Variants in CPLX2 observed in about 807,000 individuals in gnomAD.
CPLX2 encodes complexin 2, also known as complexin-2.
Under a neutral mutation model 16.3 loss-of-function variants are expected in CPLX2, and 5 were observed. The ratio of observed to expected loss-of-function variants is 0.31; its 90% CI spans 0.16 to 0.64. The LOEUF (loss-of-function observed/expected upper bound fraction) is 0.64, where lower values mean the gene tolerates loss of function less well. Among genes scored for constraint, CPLX2 ranks in the 30% least tolerant of loss-of-function variants. CPLX2 has a pLI of 0.79. For missense variants in CPLX2, 144 were observed against 181.4 expected (o/e 0.79, Z 1.18); for synonymous variants, 89 against 73.2 (o/e 1.22, Z -1.10).
At chr5:175,873,702 C>T (rs990160040) in intron 1 of CPLX2, among the ~76,000 whole-genome samples, 4 of 152,120 alleles carry the variant, frequency 2.6e-5, no homozygotes, top group African/African-American at 9.7e-5. Flanking sequence ...ATGATGACTG[C>T]GATGATGTTA....
chr5:175,869,060 CTT>C (rs1259855135), upstream of CPLX2, among the ~76,000 whole-genome samples: 4 of 152,206 alleles, frequency 2.6e-5, no homozygotes, highest in African/African-American at 4.8e-5. Context: ...TTAGGAAAGA[CTT>C]ATGATATTCA....
rs1561779767 is a variant in CPLX2 at position 175,839,300 on chromosome 5, T to TTTG, written c.-89+30234_-89+30235insGTT. On this transcript the variant is annotated intron_variant, in intron 2 of 4. Coordinates refer to the CPLX2 transcript ENST00000359546. ...GTTTTGTTTGTTTGTTTGTTTGTTT[T>TTTG]TTTGAGAAGGAGTCTCGCTCTGTCA... Among the ~76,000 whole-genome samples the TTTG allele has an allele frequency of 1.9e-4, 28 of 146,584 alleles. No individual in the cohort carries two copies. The South Asian group carries it at 3.8e-3, about 20-fold the overall frequency.
intron 2 of CPLX2, among the ~76,000 whole-genome samples, chr5:175,829,868 C>T: frequency 6.6e-6 from 1 of 152,212 alleles, no homozygotes; most frequent in Admixed American, 6.5e-5. Flanking sequence ...TAGCTGGGGC[C>T]ACAGAATTCA....
At chr5:175,856,510 G>A (rs575530513) in intron 2 of CPLX2, among the ~76,000 whole-genome samples, 11 of 152,288 alleles carry the variant, frequency 7.2e-5, no homozygotes, top group South Asian at 6.2e-4. Context: ...GAGCCAAGCC[G>A]AGGAATCTGA....
At chr5:175,855,959 G>A (rs1423422167) in intron 2 of CPLX2, among the ~76,000 whole-genome samples, 2 of 152,098 alleles carry the variant, frequency 1.3e-5, no homozygotes, top group African/African-American at 4.8e-5. Flanking sequence ...CAGAGACACA[G>A]GATGACCATG....
In CPLX2 at chr5:175,850,057, G is replaced by A. The variant is rs1248922633; in HGVS notation, c.-88-28595G>A. On this transcript the variant is annotated intron_variant, in intron 2 of 4. Transcript: ENST00000359546. Reference sequence around the variant, plus strand: ...GGTCTGTGCAGCGGGCCACACCACGGCATCAAGGCACATGAGGGCAATGGC... The same window carrying A: ...GGTCTGTGCAGCGGGCCACACCACGACATCAAGGCACATGAGGGCAATGGC... 5.9e-5 allele frequency among the ~76,000 whole-genome samples: 9 copies of A among 152,366 alleles called. No homozygotes were observed. In the South Asian group the frequency reaches 1.4e-3, roughly 25 times the overall value.
chr5:175,845,652 C>G lies in CPLX2; in HGVS notation c.-88-33000C>G, dbSNP rs185469308. ...TTTGCTCCTACTGGACTGTGAGTCT[C>G]TTAAGGGCGGGGACTCATTGGTGCT... On this transcript the variant is annotated intron_variant, in intron 2 of 4. Coordinates refer to the CPLX2 transcript ENST00000359546. The surrounding 1 kb of genome is among the most constrained non-coding windows in gnomAD (Gnocchi z 4.0). Among the ~76,000 whole-genome samples the G allele has an allele frequency of 6.6e-6, 1 of 152,298 alleles. No homozygotes were observed. Among genetic ancestry groups the G allele is most frequent in the Admixed American group, 6.5e-5 (1 of 15,306 alleles).
chr5:175,822,776 C>T (rs769485924), intron 2 of CPLX2, among the ~76,000 whole-genome samples: 7 of 152,220 alleles, frequency 4.6e-5, no homozygotes, highest in African/African-American at 1.4e-4. Context: ...TGTGATTGAA[C>T]GTCAGTGGAC....
At chr5:175,832,808 G>A (rs537458031) in intron 2 of CPLX2, among the ~76,000 whole-genome samples, 3 of 152,076 alleles carry the variant, frequency 2.0e-5, no homozygotes, top group Admixed American at 6.6e-5. Flanking sequence ...ACCCAGGCAG[G>A]CCCCACACAT....
intron 3 of CPLX2, 196 bp from the exon 4 acceptor site, chr5:175,879,652 C>T: frequency 2.9e-6 from 2 of 699,966 alleles, no homozygotes; most frequent in South Asian, 3.0e-5. Flanking sequence ...TAAAGGAAAC[C>T]CCACGTATGG....
chr5:175,825,322 C>T (rs963441992), intron 2 of CPLX2, among the ~76,000 whole-genome samples: 1 of 151,496 alleles, frequency 6.6e-6, no homozygotes, highest in Non-Finnish European at 1.5e-5. Context: ...ACCCAGGAGG[C>T]AGAGGTTCAG....
intron 2 of CPLX2, among the ~76,000 whole-genome samples, chr5:175,861,466 G>A (rs1759370368): frequency 6.6e-6 from 1 of 152,196 alleles, no homozygotes; most frequent in Non-Finnish European, 1.5e-5. Context: ...GATGCTGCAG[G>A]TAATGGTGAG....
rs969039447 is a variant in CPLX2 at position 175,872,971 on chromosome 5, G to A, written c.-89+1266G>A. 1 of 152,174 alleles carries A rather than the reference G, an allele frequency of 6.6e-6. No homozygotes were observed. Among genetic ancestry groups the A allele is most frequent in the Non-Finnish European group, 1.5e-5 (1 of 68,066 alleles). 9.4% of individuals were successfully genotyped at this position (152,174 alleles called of 1,614,324 possible). Reference sequence around the variant, plus strand: ...GCTGGGACGGGCTCGGAGGGAGTCGGAGAGGGGAAGGAAGCTGAAGGCGCG... The same window carrying A: ...GCTGGGACGGGCTCGGAGGGAGTCGAAGAGGGGAAGGAAGCTGAAGGCGCG... On this transcript the variant is annotated intron_variant, in intron 1 of 3. Transcript: ENST00000393745. The surrounding 1 kb of genome is among the most constrained non-coding windows in gnomAD (Gnocchi z 5.0).
intron 2 of CPLX2, among the ~76,000 whole-genome samples, chr5:175,846,706 G>C (rs1759049752): frequency 6.6e-6 from 1 of 152,120 alleles, no homozygotes; most frequent in Non-Finnish European, 1.5e-5. Flanking sequence ...ACTGTTCTAG[G>C]AGCCTTTGCT....
chr5:175,878,847 T>A, intron 2 of CPLX2, 61 bp from the exon 3 acceptor site: 1 of 1,602,016 alleles, frequency 6.2e-7, no homozygotes, highest in Non-Finnish European at 8.5e-7. Context: ...ACCCGGCCCC[T>A]CTCTCCCCAG....
Position 175,849,056 on chromosome 5 carries a change from CAG to C in CPLX2, c.-88-29593_-88-29592del, listed in dbSNP as rs1759102791. ...TTCTAAGCCAATGGAGACTTTCAAA[CAG>C]AGGTGTGTCGTGATCTAACTTACAC... On this transcript the variant is annotated intron_variant, in intron 2 of 4. Coordinates refer to the CPLX2 transcript ENST00000359546. The surrounding 1 kb of genome is among the most constrained non-coding windows in gnomAD (Gnocchi z 4.4). Among the ~76,000 whole-genome samples the C allele has an allele frequency of 6.6e-6, 1 of 152,206 alleles. No individual in the cohort carries two copies. The highest frequency in any genetic ancestry group is 2.1e-4 in the South Asian group (1 of 4,836).
At chr5:175,827,660 T>C (rs1398894264) in intron 2 of CPLX2, among the ~76,000 whole-genome samples, 1 of 152,168 alleles carries the variant, frequency 6.6e-6, no homozygotes, top group Non-Finnish European at 1.5e-5. Flanking sequence ...CTCCGGAGGC[T>C]GAGGCAGGAG....
chr5:175,852,922 A>G (rs1759184822), intron 2 of CPLX2, among the ~76,000 whole-genome samples: 1 of 152,184 alleles, frequency 6.6e-6, no homozygotes, highest in Non-Finnish European at 1.5e-5. Context: ...GGAATCTTTC[A>G]ACACTCCAGT....
chr5:175,861,402 G>A (rs1364259224), intron 2 of CPLX2, among the ~76,000 whole-genome samples: 2 of 152,184 alleles, frequency 1.3e-5, no homozygotes, highest in African/African-American at 4.8e-5. Context: ...AGGTAAACAG[G>A]TTGACAAAGG....
Sources: gnomAD v4.1 joint callset for allele counts (sites outside exome capture counted in the v4.1 genomes callset) on GRCh38, gnomAD v4.1.1 for gene constraint, Gnocchi (gnomAD v3.1) non-coding constraint, MANE v1.5 for transcripts, NCBI Gene and HGNC (gene_info 2026-07-23, HGNC 2026-07-21) for gene names.